MX1: variants seen among roughly 807,000 people sequenced by gnomAD.
The protein encoded by MX1 is interferon-induced GTP-binding protein Mx1.
Under a neutral mutation model 66.4 loss-of-function variants are expected in MX1, and 66 were observed. The observed-to-expected ratio is 0.99, with a 90% CI of 0.82 to 1.22. MX1 has a LOEUF of 1.22. MX1 is among the 50% of genes most tolerant of loss of function. The pLI is 0.00. For missense variants in MX1, 787 were observed against 834.3 expected, an observed-to-expected ratio of 0.94 and a Z score of 0.70; for synonymous variants, 311 against 318.1, an observed-to-expected ratio of 0.98 and a Z score of 0.24.
Position 41,441,293 on chromosome 21 carries a change from T to C in MX1, c.730+268T>C. 1 of 471,002 alleles carries C rather than the reference T, an allele frequency of 2.1e-6. No homozygotes were observed. Among genetic ancestry groups the C allele is most frequent in the Non-Finnish European group, 3.9e-6 (1 of 259,428 alleles). The allele number at this position is 471,002 out of a possible 1,614,324, so 29.2% of individuals were successfully genotyped here. ...CCCACCAAGGCCAAGTGAAATGAGC[T>C]GCTTTTGACTCTCACTGGCTAGGTT... is the stretch of plus-strand genomic sequence containing the variant. On this transcript the variant is annotated intron_variant, in intron 9 of 16. Coordinates refer to ENST00000398598, the MANE Select transcript of MX1 (RefSeq NM_002462.5). The surrounding 1 kb of genome is among the most constrained non-coding windows in gnomAD (Gnocchi z 4.0).
rs2090818709 is a variant in MX1 at position 41,451,314 on chromosome 21, T to G, written c.1509+71T>G. The G allele has an allele frequency of 4.0e-6, 4 of 991,746 alleles. No individual in the cohort carries two copies. The Admixed American group carries it at 6.1e-5, about 15-fold the overall frequency. The allele number at this position is 991,746 out of a possible 1,614,324, so 61.4% of individuals were successfully genotyped here. A position where few individuals can be genotyped will look rare whatever the true frequency, so the allele number is the denominator to read the frequency against. ...TAAGCTTGACACTAGAAAATAGATT[T>G]CTTGGATGAGGATTATTTCAACTTT... On this transcript the variant is annotated intron_variant, in intron 15 of 16. Transcript: ENST00000398598.
intron 13 of MX1, among the ~76,000 whole-genome samples, chr21:41,447,376 T>C (rs1444226295): frequency 6.6e-6 from 1 of 152,176 alleles, no homozygotes; most frequent in African/African-American, 2.4e-5. Context: ...GACTTCAACA[T>C]TGGAGTTTGA....
At chr21:41,448,404 C>T (rs2090724181) in intron 13 of MX1, among the ~76,000 whole-genome samples, 1 of 152,188 alleles carries the variant, frequency 6.6e-6, no homozygotes, top group South Asian at 2.1e-4. Context: ...AGTGTTCATG[C>T]TCATTTCTAA....
Position 41,445,505 on chromosome 21 carries a change from G to A in MX1, c.1066G>A (p.Glu356Lys), listed in dbSNP as rs565679943. 2.5e-6 allele frequency: 4 copies of A among 1,614,174 alleles called. No homozygotes were observed. In the African/African-American group the frequency reaches 4.0e-5, roughly 16 times the overall value. Residue 356 changes from glutamate (E) to lysine (K), a missense_variant, in exon 12 of 17, where the codon GAG becomes AAG. Transcript: ENST00000398598. ...IKETHQRITE[E>K]LQKYGVDIPE... is the part of the protein sequence containing the mutation. The stretch of plus-strand genomic sequence containing the variant: ...GGAGACTCACCAGAGAATAACAGAG[G>A]AGCTACAAAAGTATGGTGTCGACAT...
intron 16 of MX1, 59 bp downstream of exon 16, chr21:41,452,928 C>G (rs1377990744): frequency 3.3e-5 from 52 of 1,587,096 alleles, no homozygotes; most frequent in Non-Finnish European, 4.2e-5. Flanking sequence ...TTCTGAACGC[C>G]TCTCTCTTTA....
At chr21:41,447,660 TG>T (rs1382441522) in intron 13 of MX1, among the ~76,000 whole-genome samples, 1 of 152,036 alleles carries the variant, frequency 6.6e-6, no homozygotes, top group African/African-American at 2.4e-5. Context: ...GTGATGGATG[TG>T]GGGTTTGGGA....
intron 13 of MX1, among the ~76,000 whole-genome samples, chr21:41,447,190 A>G (rs2090687680): frequency 6.6e-6 from 1 of 152,270 alleles, no homozygotes; most frequent in East Asian, 1.9e-4. Flanking sequence ...TGCCTTGCAG[A>G]TGGCCTCTTC....
chr21:41,443,903 ATAC>A (rs774602121), intron 11 of MX1, 37 bp downstream of exon 11: 3 of 1,586,418 alleles, frequency 1.9e-6, no homozygotes, highest in Non-Finnish European at 2.6e-6. Context: ...TCTAAAAAGA[ATAC>A]TACGACCGCA....
intron 11 of MX1, among the ~76,000 whole-genome samples, chr21:41,444,240 C>T (rs1750875656): frequency 6.6e-6 from 1 of 151,668 alleles, no homozygotes; most frequent in African/African-American, 2.4e-5. Context: ...TTTGTAAAAG[C>T]TCTCTGTGGT....
chr21:41,445,360 A>G, intron 11 of MX1, 88 bp from the exon 12 acceptor site: 1 of 1,498,782 alleles, frequency 6.7e-7, no homozygotes, highest in Non-Finnish European at 9.1e-7. Flanking sequence ...GGCCCACACA[A>G]CTCCTCTGCA....
intron 16 of MX1, among the ~76,000 whole-genome samples, chr21:41,454,790 C>T (rs112291643): frequency 2.0e-5 from 3 of 152,264 alleles, no homozygotes; most frequent in Non-Finnish European, 2.9e-5. Context: ...CATTGCCTTA[C>T]TATTTGGATG....
Position 41,441,542 on chromosome 21 carries a change from T to C in MX1, c.731-174T>C. 3.0e-6 allele frequency: 2 copies of C among 658,164 alleles called. No homozygotes were observed. Among genetic ancestry groups the C allele is most frequent in the South Asian group, 3.6e-5 (2 of 55,280 alleles). 40.8% of individuals were successfully genotyped at this position (658,164 alleles called of 1,614,324 possible). A position where few individuals can be genotyped will look rare whatever the true frequency, so the allele number is the denominator to read the frequency against. On this transcript the variant is annotated intron_variant, in intron 9 of 16. Coordinates refer to ENST00000398598, the MANE Select transcript of MX1 (RefSeq NM_002462.5). This position sits in a 1 kb window ranked among gnomAD's most constrained non-coding sequence, Gnocchi z 4.0. The stretch of plus-strand genomic sequence containing the variant: ...ATCCCTGCCTTCACGCGGCTTGTCG[T>C]GGAGTTCTTTTCTGGAGCGGGGCTC...
At chr21:41,455,033 A>C (rs1399733207) in intron 16 of MX1, among the ~76,000 whole-genome samples, 1 of 152,058 alleles carries the variant, frequency 6.6e-6, no homozygotes, top group Non-Finnish European at 1.5e-5. Context: ...CAGCCTCCCA[A>C]GTAGCTGGGA....
At chr21:41,421,591 C>T (rs1034760673), upstream of MX1, among the ~76,000 whole-genome samples, 5 of 152,218 alleles carry the variant, frequency 3.3e-5, no homozygotes, top group Non-Finnish European at 1.5e-5. Context: ...GGTGATGACT[C>T]TTAAGGAGCA....
upstream of MX1, among the ~76,000 whole-genome samples, chr21:41,424,226 AGTGTGTGTGT>A (rs3037030): frequency 0.017 from 2,446 of 146,304 alleles, 76 homozygotes; most frequent in Admixed American, 0.093. Context: ...AGAGGGGTTG[AGTGTGTGTGT>A]GTGTGTGTGT....
chr21:41,447,573 C>T (rs1407638733), intron 13 of MX1, among the ~76,000 whole-genome samples: 1 of 152,094 alleles, frequency 6.6e-6, no homozygotes, highest in African/African-American at 2.4e-5. Context: ...CTAGAACAGG[C>T]AAACCCAGGC....
Position 41,441,197 on chromosome 21 carries a change from T to A in MX1, c.730+172T>A. 1.0e-6 allele frequency: 1 copy of A among 983,418 alleles called. No individual in the cohort carries two copies. The highest frequency in any genetic ancestry group is 1.4e-6 in the Non-Finnish European group (1 of 690,498). 60.9% of individuals were successfully genotyped at this position (983,418 alleles called of 1,614,324 possible). ...TGGTCTGCCAGTGGGCAAGCGTCCCTCCAGTCTCCATGGGCTTTGCTCAGT... is the reference window on the plus strand; with the variant it reads ...TGGTCTGCCAGTGGGCAAGCGTCCCACCAGTCTCCATGGGCTTTGCTCAGT... On this transcript the variant is annotated intron_variant, in intron 9 of 16. Coordinates refer to ENST00000398598, the MANE Select transcript of MX1 (RefSeq NM_002462.5). This position sits in a 1 kb window ranked among gnomAD's most constrained non-coding sequence, Gnocchi z 4.0.
chr21:41,435,718 C>G, intron 5 of MX1, 119 bp from the exon 6 acceptor site: 1 of 1,132,952 alleles, frequency 8.8e-7, no homozygotes, highest in Non-Finnish European at 1.3e-6. Context: ...TCTCCCTTGA[C>G]ACGTAGGGAT....
intron 7 of MX1, among the ~76,000 whole-genome samples, chr21:41,439,140 T>C (rs992128512): frequency 3.4e-5 from 5 of 145,424 alleles, no homozygotes; most frequent in Admixed American, 3.4e-4. Context: ...AAAGGCATTC[T>C]AGATTTAGAA....
Sources: gnomAD v4.1 joint callset for allele counts (sites outside exome capture counted in the v4.1 genomes callset) on GRCh38, gnomAD v4.1.1 for gene constraint, Gnocchi (gnomAD v3.1) non-coding constraint, MANE v1.5 for transcripts, NCBI Gene and HGNC (gene_info 2026-07-23, HGNC 2026-07-21) for gene names.